Variants in STPG1 observed in about 807,000 individuals in gnomAD.
The protein encoded by STPG1 is sperm tail PG-rich repeat containing 1.
STPG1 carries 33 observed loss-of-function variants against 40.1 expected under a neutral mutation model. That is an observed-to-expected ratio of 0.82 (90% CI 0.62 to 1.10). The LOEUF (loss-of-function observed/expected upper bound fraction) is 1.10. STPG1 is among the 50% of genes least tolerant of loss of function. The probability of loss-of-function intolerance (pLI) is 0.00; values close to 1 mark genes in which losing one functional copy is unlikely to be tolerated. For synonymous variants in STPG1, 150 were observed against 155.0 expected (o/e 0.97, Z 0.24); for missense variants, 396 against 415.1 (o/e 0.95, Z 0.40).
At position 24,409,770 on chromosome 1, in the gene STPG1, C is replaced by T. The variant is rs183262736; in HGVS notation, c.-69+3904G>A. ...ACCATTAGTCACTTAGTAGCCATCT[C>T]GATTGTCAGATCCACCATCACGTTG... On this transcript the variant is annotated intron_variant, in intron 1 of 8. Coordinates refer to ENST00000337248, the MANE Select transcript of STPG1 (RefSeq NM_001199013.2). Among the ~76,000 whole-genome samples the T allele has an allele frequency of 2.0e-3, 299 of 152,276 alleles. 1 individual carries two copies. Among genetic ancestry groups the T allele is most frequent in the South Asian group, 0.017 (82 of 4,826 alleles).
At chr1:24,361,149 AC>A in intron 7 of STPG1, 108 bp from the exon 8 acceptor site, 1 of 1,076,078 alleles carries the variant, frequency 9.3e-7, no homozygotes, top group Non-Finnish European at 1.3e-6. Flanking sequence ...CTGGAAGAGG[AC>A]TGGTCACGGC....
intron 2 of STPG1, among the ~76,000 whole-genome samples, chr1:24,396,296 TATC>T (rs59076210): frequency 0.022 from 2,305 of 105,956 alleles, 72 homozygotes; most frequent in African/African-American, 0.09. Context: ...TCTATCTATC[TATC>T]ATCTATCTAT....
chr1:24,382,988 T>C (rs1233827109), intron 4 of STPG1, among the ~76,000 whole-genome samples: 3 of 147,854 alleles, frequency 2.0e-5, no homozygotes, highest in Non-Finnish European at 4.4e-5. Flanking sequence ...CATAGTTCAC[T>C]GCAGCCTCAA....
At chr1:24,370,088 C>G (rs899188135) in intron 6 of STPG1, among the ~76,000 whole-genome samples, 1 of 152,144 alleles carries the variant, frequency 6.6e-6, no homozygotes, top group African/African-American at 2.4e-5. Context: ...TGCTTTCATT[C>G]TACACATGGG....
chr1:24,378,530 G>C (rs1642134522), intron 5 of STPG1, among the ~76,000 whole-genome samples: 1 of 152,186 alleles, frequency 6.6e-6, no homozygotes, highest in South Asian at 2.1e-4. Context: ...AGCAACTTGG[G>C]AGGCTGAGGC....
rs1640832011 is a variant in STPG1 at position 24,357,996 on chromosome 1, G to C, written c.*547C>G. Reference sequence around the variant, plus strand: ...GTGGTCACTTTAGAAAGGAAGCTGTGGACTGGTGGAAAAAGCATCACCTGC... The same window carrying C: ...GTGGTCACTTTAGAAAGGAAGCTGTCGACTGGTGGAAAAAGCATCACCTGC... On this transcript the variant is annotated 3_prime_UTR_variant, in exon 9 of 9. Coordinates refer to ENST00000337248, the MANE Select transcript of STPG1 (RefSeq NM_001199013.2). 2.8e-6 allele frequency: 1 copy of C among 354,088 alleles called. No individual in the cohort carries two copies. Among genetic ancestry groups the C allele is most frequent in the Admixed American group, 3.7e-5 (1 of 26,690 alleles). 21.9% of individuals were successfully genotyped at this position (354,088 alleles called of 1,614,324 possible). A position where few individuals can be genotyped will look rare whatever the true frequency, so the allele number is the denominator to read the frequency against.
At chr1:24,374,386 G>A (rs1232729531) in intron 5 of STPG1, among the ~76,000 whole-genome samples, 3 of 148,068 alleles carry the variant, frequency 2.0e-5, no homozygotes, top group African/African-American at 5.0e-5. Flanking sequence ...AGCCTCCGGA[G>A]TAGCTGGGAC....
chr1:24,404,442 A>G (rs537683051), intron 1 of STPG1, among the ~76,000 whole-genome samples: 2 of 152,162 alleles, frequency 1.3e-5, no homozygotes, highest in Admixed American at 6.5e-5. Flanking sequence ...TGCTTGCTTC[A>G]TCACATGAGT....
chr1:24,403,639 T>C (rs532663608), intron 1 of STPG1, among the ~76,000 whole-genome samples: 51 of 152,254 alleles, frequency 3.3e-4, no homozygotes, highest in African/African-American at 1.2e-3. Flanking sequence ...TTCTCAGCAA[T>C]ATTTTACAGT....
chr1:24,396,302 C>G (rs374230556), intron 2 of STPG1, among the ~76,000 whole-genome samples: 1 of 136,048 alleles, frequency 7.4e-6, no homozygotes, highest in Non-Finnish European at 1.6e-5. Flanking sequence ...TATCTATCAT[C>G]TATCTATCTT....
At chr1:24,412,860 A>T (rs553779607) in intron 1 of STPG1, among the ~76,000 whole-genome samples, 10 of 152,376 alleles carry the variant, frequency 6.6e-5, no homozygotes, top group Non-Finnish European at 1.3e-4. Flanking sequence ...CTACAAGGAC[A>T]GCTCACATGA....
At chr1:24,364,189 A>G (rs1641300462) in intron 7 of STPG1, 14 of 1,488,804 alleles carry the variant, frequency 9.4e-6, no homozygotes, top group African/African-American at 1.4e-5. Flanking sequence ...TTCCAGGGAA[A>G]CTTCTCTCCT....
At position 24,401,475 on chromosome 1, in the gene STPG1, G is replaced by GC. The variant is rs1300590161; in HGVS notation, c.-68-20dup. ...TAAGCACCTGAAACAGCAAAACACA[G>GC]CATTTGTAGAGATCATTTCACATTG... On this transcript the variant is annotated intron_variant, in intron 1 of 8. Coordinates refer to ENST00000337248, the MANE Select transcript of STPG1 (RefSeq NM_001199013.2). 1.8e-6 allele frequency: 2 copies of GC among 1,085,936 alleles called. No individual in the cohort carries two copies. Among genetic ancestry groups the GC allele is most frequent in the Non-Finnish European group, 2.8e-6 (2 of 711,050 alleles). 67.3% of individuals were successfully genotyped at this position (1,085,936 alleles called of 1,614,324 possible).
At chr1:24,377,362 G>A (rs920624163) in intron 5 of STPG1, among the ~76,000 whole-genome samples, 1 of 152,198 alleles carries the variant, frequency 6.6e-6, no homozygotes, top group African/African-American at 2.4e-5. Flanking sequence ...TCAGGGCCCT[G>A]TGTGAATTGG....
chr1:24,403,556 T>C (rs561659541), intron 1 of STPG1, among the ~76,000 whole-genome samples: 1 of 152,294 alleles, frequency 6.6e-6, no homozygotes, highest in South Asian at 2.1e-4. Context: ...AGGGAGAATT[T>C]ACATCTTAAC....
chr1:24,395,668 A>G (rs1327366625), intron 2 of STPG1, among the ~76,000 whole-genome samples: 1 of 152,140 alleles, frequency 6.6e-6, no homozygotes, highest in Non-Finnish European at 1.5e-5. Flanking sequence ...TCCTGACCTC[A>G]TGATCTGCCC....
intron 4 of STPG1, among the ~76,000 whole-genome samples, chr1:24,380,662 C>G (rs1460335736): frequency 1.3e-5 from 2 of 152,208 alleles, no homozygotes; most frequent in Non-Finnish European, 2.9e-5. Flanking sequence ...CTACTTCACT[C>G]TGTGCTTGGT....
chr1:24,387,277 A>G (rs182060280), intron 3 of STPG1, among the ~76,000 whole-genome samples: 1 of 152,338 alleles, frequency 6.6e-6, no homozygotes. Context: ...GAGATGTATC[A>G]CAACAGTGCT....
chr1:24,406,347 C>G (rs1643415230), intron 1 of STPG1, among the ~76,000 whole-genome samples: 1 of 152,008 alleles, frequency 6.6e-6, no homozygotes, highest in Non-Finnish European at 1.5e-5. Flanking sequence ...CTTTTTGCTA[C>G]TTTTGTATAC....
Sources: allele counts gnomAD v4.1 joint callset (sites outside exome capture counted in the v4.1 genomes callset), GRCh38; gene constraint gnomAD v4.1.1; transcripts MANE v1.5; gene names NCBI Gene and HGNC (gene_info 2026-07-23, HGNC 2026-07-21).